Variants in DPYD observed in about 807,000 individuals in gnomAD.
DPYD encodes the protein dihydropyrimidine dehydrogenase.
A neutral mutation model predicts 116.2 loss-of-function variants in DPYD; 109 were observed. That is an observed-to-expected ratio of 0.94 (90% confidence interval 0.80 to 1.10). The LOEUF (loss-of-function observed/expected upper bound fraction) is 1.10, where lower values mean the gene tolerates loss of function less well. DPYD is among the 50% of genes least tolerant of loss of function. The pLI is 0.00. For synonymous variants in DPYD, 440 were observed against 432.0 expected (o/e 1.02, Z -0.23); for missense variants, 1,302 against 1,254.5 (o/e 1.04, Z -0.57).
chr1:97,756,187 C>A (rs2101113503), intron 3 of DPYD, among the ~76,000 whole-genome samples: 1 of 152,174 alleles, frequency 6.6e-6, no homozygotes, highest in South Asian at 2.1e-4. Flanking sequence ...CCAAAGAGAT[C>A]ATAATAAAAT....
intron 3 of DPYD, among the ~76,000 whole-genome samples, chr1:97,766,483 G>T (rs957562596): frequency 1.3e-5 from 2 of 151,966 alleles, no homozygotes; most frequent in Non-Finnish European, 2.9e-5. Context: ...AAATAAAATT[G>T]TTTTTCCTTA....
intron 1 of DPYD, among the ~76,000 whole-genome samples, chr1:97,906,240 ATTTC>A (rs1483499602): frequency 3.3e-5 from 5 of 152,080 alleles, no homozygotes; most frequent in East Asian, 3.9e-4. Flanking sequence ...ACTTATATGA[ATTTC>A]TTTATCATTT....
chr1:97,211,714 T>C lies in DPYD; in HGVS notation c.2443-18466A>G, dbSNP rs140746618. Among the ~76,000 whole-genome samples the C allele has an allele frequency of 2.2e-4, 34 of 152,286 alleles. No individual in the cohort carries two copies. In the East Asian group the frequency reaches 4.1e-3, roughly 18 times the overall value. ...ACTCTAATTTTAATACTTTAATACATGGAACACACTTGAGAAATATAGAAA... is the reference window on the plus strand; with the variant it reads ...ACTCTAATTTTAATACTTTAATACACGGAACACACTTGAGAAATATAGAAA... On this transcript the variant is annotated intron_variant, in intron 19 of 22. Coordinates refer to ENST00000370192, the MANE Select transcript of DPYD (RefSeq NM_000110.4).
chr1:97,527,871 G>A (rs1009146560), intron 12 of DPYD, among the ~76,000 whole-genome samples: 2 of 149,254 alleles, frequency 1.3e-5, no homozygotes, highest in Admixed American at 6.7e-5. Context: ...ATATTTGATT[G>A]AAGAAGAAAT....
intron 6 of DPYD, among the ~76,000 whole-genome samples, chr1:97,693,134 CA>C (rs1179043628): frequency 6.6e-6 from 1 of 150,902 alleles, no homozygotes; most frequent in Non-Finnish European, 1.5e-5. Context: ...ACTAAAAATA[CA>C]AAAAAATTAG....
At chr1:97,558,005 C>A (rs1008463332) in intron 11 of DPYD, among the ~76,000 whole-genome samples, 1 of 152,034 alleles carries the variant, frequency 6.6e-6, no homozygotes. Context: ...GGTGTGGGGG[C>A]AAGAGAAAGC....
intron 20 of DPYD, among the ~76,000 whole-genome samples, chr1:97,171,823 G>A (rs560851564): frequency 6.6e-6 from 1 of 152,244 alleles, no homozygotes; most frequent in Admixed American, 6.5e-5. Context: ...TTTATAGGAT[G>A]AACACATACA....
At chr1:97,380,594 C>T (rs183935192) in intron 15 of DPYD, among the ~76,000 whole-genome samples, 15 of 152,310 alleles carry the variant, frequency 9.8e-5, no homozygotes, top group African/African-American at 3.6e-4. Flanking sequence ...GCCATAAAGA[C>T]AGTTTTATAA....
At chr1:97,728,854 C>A (rs1014114212) in intron 4 of DPYD, among the ~76,000 whole-genome samples, 1 of 151,960 alleles carries the variant, frequency 6.6e-6, no homozygotes, top group Non-Finnish European at 1.5e-5. Flanking sequence ...CCTCAATGAA[C>A]AACCTGTGGG....
chr1:97,300,247 T>A (rs1052891735), intron 18 of DPYD, among the ~76,000 whole-genome samples: 1 of 152,132 alleles, frequency 6.6e-6, no homozygotes, highest in African/African-American at 2.4e-5. Context: ...CTTTTAATTA[T>A]TCTTTTTGCA....
intron 20 of DPYD, among the ~76,000 whole-genome samples, chr1:97,178,602 G>A (rs1156568603): frequency 2.6e-5 from 4 of 152,016 alleles, no homozygotes; most frequent in Non-Finnish European, 5.9e-5. Flanking sequence ...TGACACATAG[G>A]GATTTTGGGG....
chr1:97,730,705 A>C (rs967624807), intron 4 of DPYD, among the ~76,000 whole-genome samples: 9 of 152,114 alleles, frequency 5.9e-5, no homozygotes, highest in African/African-American at 2.2e-4. Context: ...TTAGAGGCTT[A>C]AGTTTTTCAT....
At chr1:97,850,588 G>C in intron 2 of DPYD, among the ~76,000 whole-genome samples, 1 of 67,188 alleles carries the variant, frequency 1.5e-5, no homozygotes, top group African/African-American at 4.3e-5. Flanking sequence ...ATCAGCCTCA[G>C]AATGCCAGAG....
chr1:97,164,898 T>C (rs1052300996), intron 20 of DPYD, among the ~76,000 whole-genome samples: 21 of 150,972 alleles, frequency 1.4e-4, no homozygotes, highest in Non-Finnish European at 2.7e-4. Context: ...TTAGTAGAGA[T>C]GCGGTTTCAC....
intron 3 of DPYD, among the ~76,000 whole-genome samples, chr1:97,800,141 T>G (rs746403246): frequency 1.4e-4 from 21 of 151,978 alleles, no homozygotes; most frequent in Non-Finnish European, 1.0e-4. Flanking sequence ...ATTTAAGTAA[T>G]AATACCTACT....
chr1:97,813,868 G>A (rs562352951), intron 3 of DPYD, among the ~76,000 whole-genome samples: 182 of 151,154 alleles, frequency 1.2e-3, no homozygotes, highest in African/African-American at 4.1e-3. Context: ...TGCATAAAGT[G>A]TACTGACAAA....
At chr1:97,084,165 CT>C (rs1424751327) in intron 21 of DPYD, among the ~76,000 whole-genome samples, 2 of 152,060 alleles carry the variant, frequency 1.3e-5, no homozygotes, top group Admixed American at 6.6e-5. Flanking sequence ...GCATTTAAGG[CT>C]TTCTGCAAAC....
At chr1:97,287,579 C>T (rs959284848) in intron 18 of DPYD, among the ~76,000 whole-genome samples, 2 of 152,188 alleles carry the variant, frequency 1.3e-5, no homozygotes, top group Non-Finnish European at 2.9e-5. Context: ...TGGTGGGCTC[C>T]ACCCAGTTGG....
At chr1:97,145,166 A>G (rs1044706931) in intron 20 of DPYD, among the ~76,000 whole-genome samples, 29 of 152,228 alleles carry the variant, frequency 1.9e-4, no homozygotes, top group African/African-American at 6.8e-4. Context: ...TTAATTTAAC[A>G]GGGAGTGCAC....
Sources: gnomAD v4.1 joint callset for allele counts (sites outside exome capture counted in the v4.1 genomes callset) on GRCh38, gnomAD v4.1.1 for gene constraint, MANE v1.5 for transcripts, NCBI Gene and HGNC (gene_info 2026-07-23, HGNC 2026-07-21) for gene names.